C1GALT1: variants seen among roughly 807,000 people sequenced by gnomAD.
C1GALT1 encodes the protein core 1 synthase, glycoprotein-N-acetylgalactosamine 3-beta-galactosyltransferase 1, also known as glycoprotein-N-acetylgalactosamine 3-beta-galactosyltransferase 1.
Under a neutral mutation model 31.0 loss-of-function variants are expected in C1GALT1, and 11 were observed. The ratio of observed to expected loss-of-function variants is 0.36; its 90% CI spans 0.22 to 0.59. The LOEUF (loss-of-function observed/expected upper bound fraction) is 0.59, where lower values mean the gene tolerates loss of function less well. Among genes scored for constraint, C1GALT1 ranks in the 20% least tolerant of loss-of-function variants. C1GALT1 has a pLI of 0.79. For synonymous variants in C1GALT1, 175 were observed against 143.6 expected (o/e 1.22, Z -1.56); for missense variants, 424 against 425.2 (o/e 1.00, Z 0.03).
chr7:7,182,231 G>C (rs1012907305), upstream of C1GALT1, among the ~76,000 whole-genome samples: 4 of 152,166 alleles, frequency 2.6e-5, no homozygotes, highest in Non-Finnish European at 4.4e-5. Flanking sequence ...CTGTACCTCA[G>C]ACAAAGGTCC....
intron 2 of C1GALT1, among the ~76,000 whole-genome samples, chr7:7,175,396 CAGGTGTTTTCTA>C (rs1051732777): frequency 5.9e-5 from 9 of 152,340 alleles, no homozygotes; most frequent in African/African-American, 2.2e-4. Flanking sequence ...AGGGTTTTCT[CAGGTGTTTTCTA>C]AGCAAGTGTT....
chr7:7,234,430 C>T lies in C1GALT1; in HGVS notation c.111C>T (p.Thr37=). 3.1e-6 allele frequency: 5 copies of T among 1,613,710 alleles called. No homozygotes were observed. The highest frequency in any genetic ancestry group is 4.2e-6 in the Non-Finnish European group (5 of 1,179,776). ...TTTTGTTGGGAGAAAAGGTTGACAC[C>T]CAGCCTAATGTTCTTCATAATGATC... The part of the protein sequence containing the change: ...FSILLGEKVD[T]QPNVLHNDPH... The change falls in exon 2 of 4, where the codon ACC becomes ACT. Residue 37 remains threonine (T), a synonymous_variant. Coordinates refer to ENST00000436587, the MANE Select transcript of C1GALT1 (RefSeq NM_020156.5).
chr7:7,242,938 T>C (rs931891611), intron 3 of C1GALT1, among the ~76,000 whole-genome samples: 1 of 152,138 alleles, frequency 6.6e-6, no homozygotes, highest in Non-Finnish European at 1.5e-5. Flanking sequence ...TTAAAGCTTA[T>C]AGAGATTAAA....
At chr7:7,195,403 A>G (rs180968297) in intron 1 of C1GALT1, among the ~76,000 whole-genome samples, 3 of 152,242 alleles carry the variant, frequency 2.0e-5, no homozygotes, top group African/African-American at 7.2e-5. Flanking sequence ...AGGATTTTTA[A>G]ATTTCCACCT....
chr7:7,212,135 A>C (rs912941783), intron 1 of C1GALT1, among the ~76,000 whole-genome samples: 1 of 151,606 alleles, frequency 6.6e-6, no homozygotes, highest in Non-Finnish European at 1.5e-5. Context: ...AGCCTAGGCC[A>C]GCAATGGGTT....
At chr7:7,236,512 A>G (rs186933032) in intron 2 of C1GALT1, among the ~76,000 whole-genome samples, 149 of 152,098 alleles carry the variant, frequency 9.8e-4, no homozygotes, top group African/African-American at 3.4e-3. Context: ...TCAGAGGGAC[A>G]TGAGAATTTT....
At chr7:7,164,304 T>G (rs1780369996) in intron 2 of C1GALT1, among the ~76,000 whole-genome samples, 1 of 152,156 alleles carries the variant, frequency 6.6e-6, no homozygotes, top group South Asian at 2.1e-4. Context: ...TACACCTTTC[T>G]TCATTTCTCA....
At chr7:7,204,824 G>A (rs6969492) in intron 1 of C1GALT1, among the ~76,000 whole-genome samples, 6 of 151,916 alleles carry the variant, frequency 3.9e-5, no homozygotes, top group African/African-American at 1.5e-4. Flanking sequence ...TGATTTCCAC[G>A]CATTTGTGAA....
intron 1 of C1GALT1, among the ~76,000 whole-genome samples, chr7:7,230,080 A>G (rs549496165): frequency 9.3e-4 from 141 of 152,314 alleles, no homozygotes; most frequent in African/African-American, 3.2e-3. Context: ...CCAAACTGGA[A>G]TTACAATTCA....
At chr7:7,181,529 T>C (rs971780369), upstream of C1GALT1, among the ~76,000 whole-genome samples, 1 of 152,206 alleles carries the variant, frequency 6.6e-6, no homozygotes, top group African/African-American at 2.4e-5. Context: ...GATATATTGA[T>C]GCAATGTCCT....
chr7:7,242,481 CAT>C (rs1355962311), intron 3 of C1GALT1, among the ~76,000 whole-genome samples: 2 of 151,994 alleles, frequency 1.3e-5, no homozygotes. Context: ...TACTTCCAAA[CAT>C]AAATTATTAG....
chr7:7,196,076 A>G (rs562940325), intron 1 of C1GALT1, among the ~76,000 whole-genome samples: 1 of 151,912 alleles, frequency 6.6e-6, no homozygotes, highest in East Asian at 1.9e-4. Flanking sequence ...TTTATTTTTT[A>G]TTATACTTCA....
At chr7:7,230,165 G>A (rs1783000067) in intron 1 of C1GALT1, among the ~76,000 whole-genome samples, 1 of 152,094 alleles carries the variant, frequency 6.6e-6, no homozygotes, top group African/African-American at 2.4e-5. Context: ...AATTTTACTT[G>A]TAGATTTTGG....
Position 7,216,727 on chromosome 7 carries a change from G to A in C1GALT1, c.-17-17576G>A, listed in dbSNP as rs575798838. On this transcript the variant is annotated intron_variant, in intron 1 of 3. Transcript: ENST00000436587. ...AAAAGAACGTAGGAATAGAATGGCCGTTTTCCCACTGATGGGACAATATCG... is the reference window on the plus strand; with the variant it reads ...AAAAGAACGTAGGAATAGAATGGCCATTTTCCCACTGATGGGACAATATCG... 8.8e-4 allele frequency among the ~76,000 whole-genome samples: 134 copies of A among 152,272 alleles called. 2 individuals carry two copies. In the South Asian group the frequency reaches 0.026, roughly 29 times the overall value.
intron 1 of C1GALT1, among the ~76,000 whole-genome samples, chr7:7,225,323 T>A (rs1782711479): frequency 6.6e-6 from 1 of 152,206 alleles, no homozygotes; most frequent in Non-Finnish European, 1.5e-5. Flanking sequence ...CCCTGTGTCA[T>A]TAGCAAAACT....
chr7:7,224,267 GGT>G (rs1782649530), intron 1 of C1GALT1, among the ~76,000 whole-genome samples: 1 of 139,966 alleles, frequency 7.1e-6, no homozygotes, highest in African/African-American at 3.2e-5. Context: ...AGTTTTTTTT[GGT>G]TTTTTTTTTG....
chr7:7,203,390 A>G (rs186843315), intron 1 of C1GALT1, among the ~76,000 whole-genome samples: 2 of 152,188 alleles, frequency 1.3e-5, no homozygotes, highest in African/African-American at 4.8e-5. Flanking sequence ...GTGAGTGTTT[A>G]TATCATGAAA....
At chr7:7,206,357 T>A (rs757708183) in intron 1 of C1GALT1, among the ~76,000 whole-genome samples, 2 of 152,130 alleles carry the variant, frequency 1.3e-5, no homozygotes, top group Admixed American at 6.5e-5. Context: ...GGGAGAATTT[T>A]GCTCTACAGA....
upstream of C1GALT1, among the ~76,000 whole-genome samples, chr7:7,180,532 A>G (rs1583733625): frequency 6.6e-6 from 1 of 152,258 alleles, no homozygotes; most frequent in East Asian, 1.9e-4. Context: ...CTGTGCAGAT[A>G]ATACGATCCA....
Sources: gnomAD v4.1 joint callset for allele counts (sites outside exome capture counted in the v4.1 genomes callset) on GRCh38, gnomAD v4.1.1 for gene constraint, MANE v1.5 for transcripts, NCBI Gene and HGNC (gene_info 2026-07-23, HGNC 2026-07-21) for gene names.